Variants in NKAIN3 observed in about 807,000 individuals in gnomAD.
NKAIN3 encodes the protein sodium/potassium-transporting ATPase subunit beta-1-interacting protein 3.
A neutral mutation model predicts 30.2 loss-of-function variants in NKAIN3; 25 were observed. The ratio of observed to expected loss-of-function variants is 0.83; its 90% CI spans 0.60 to 1.16. NKAIN3 has a LOEUF of 1.16. Ranked by LOEUF, NKAIN3 falls within the 50% of genes most tolerant of loss-of-function variation. The pLI is 0.00. For missense variants in NKAIN3, 225 were observed against 254.1 expected (o/e 0.89, Z 0.78); for synonymous variants, 91 against 89.6 (o/e 1.02, Z -0.09).
chr8:62,941,733 C>T (rs1227162679), intron 5 of NKAIN3, among the ~76,000 whole-genome samples: 1 of 152,070 alleles, frequency 6.6e-6, no homozygotes, highest in Non-Finnish European at 1.5e-5. Context: ...TTAAAACTCT[C>T]AGCGAAATTG....
intron 3 of NKAIN3, among the ~76,000 whole-genome samples, chr8:62,673,106 G>T (rs764445690): frequency 3.9e-5 from 6 of 152,288 alleles, no homozygotes; most frequent in Middle Eastern, 3.4e-3. Context: ...GTTAGTAAAT[G>T]ATGAGGTGGG....
rs192499196 is a variant in NKAIN3 at position 62,967,812 on chromosome 8, G to A, written c.*2405G>A. Among the ~76,000 whole-genome samples the A allele has an allele frequency of 6.0e-3, 915 of 152,220 alleles. 6 individuals are homozygous for A. Among genetic ancestry groups the A allele is most frequent in the Non-Finnish European group, 9.8e-3 (668 of 68,012 alleles). On this transcript the variant is annotated 3_prime_UTR_variant, in exon 7 of 7. Coordinates refer to ENST00000623646, the MANE Select transcript of NKAIN3 (RefSeq NM_001304533.3). ...CCACACATACACATGCAAATAAAATGTGGTTAACATTTCACAAAATAGAAC... is the reference window on the plus strand; with the variant it reads ...CCACACATACACATGCAAATAAAATATGGTTAACATTTCACAAAATAGAAC...
intron 4 of NKAIN3, among the ~76,000 whole-genome samples, chr8:62,766,249 CTACTT>C (rs540392399): frequency 1.8e-4 from 28 of 152,274 alleles, no homozygotes; most frequent in African/African-American, 6.0e-4. Context: ...AACGTAATAA[CTACTT>C]TATTAACTCA....
chr8:62,442,526 T>A (rs1024418278), intron 1 of NKAIN3, among the ~76,000 whole-genome samples: 1 of 151,998 alleles, frequency 6.6e-6, no homozygotes, highest in Non-Finnish European at 1.5e-5. Flanking sequence ...CTTTTAGTAT[T>A]TTCAAATAAT....
intron 5 of NKAIN3, among the ~76,000 whole-genome samples, chr8:62,944,201 AC>A (rs1280777822): frequency 6.6e-6 from 1 of 152,102 alleles, no homozygotes; most frequent in Non-Finnish European, 1.5e-5. Context: ...CTATGATGGC[AC>A]CTTTTTCATA....
At chr8:62,322,111 G>A (rs545610592) in intron 1 of NKAIN3, among the ~76,000 whole-genome samples, 5 of 152,322 alleles carry the variant, frequency 3.3e-5, no homozygotes, top group African/African-American at 7.2e-5. Flanking sequence ...CTCTGTGGGC[G>A]TAGGACCCTC....
chr8:62,374,023 G>T (rs1289936615), intron 1 of NKAIN3, among the ~76,000 whole-genome samples: 3 of 141,166 alleles, frequency 2.1e-5, no homozygotes, highest in Non-Finnish European at 4.5e-5. Context: ...TGAGGCAGGA[G>T]AATTGCTTGA....
chr8:62,905,096 G>T (rs191059184), intron 4 of NKAIN3, among the ~76,000 whole-genome samples: 94 of 152,276 alleles, frequency 6.2e-4, no homozygotes, highest in African/African-American at 2.1e-3. Context: ...ACAAAGTGCA[G>T]AGACTGTTCA....
intron 5 of NKAIN3, among the ~76,000 whole-genome samples, chr8:62,945,903 G>C (rs1050600024): frequency 1.3e-5 from 2 of 152,192 alleles, no homozygotes; most frequent in Non-Finnish European, 2.9e-5. Flanking sequence ...ACCTGAGACT[G>C]AGGGGGACAG....
chr8:62,912,838 G>A (rs1224188365), intron 4 of NKAIN3, among the ~76,000 whole-genome samples: 2 of 152,118 alleles, frequency 1.3e-5, no homozygotes, highest in Non-Finnish European at 2.9e-5. Context: ...GAACCCAGGA[G>A]GCAGAGGTTT....
At chr8:62,872,400 CCT>C (rs751025545) in intron 4 of NKAIN3, among the ~76,000 whole-genome samples, 2 of 152,164 alleles carry the variant, frequency 1.3e-5, no homozygotes, top group African/African-American at 2.4e-5. Flanking sequence ...GTATTCTAAA[CCT>C]CTGAGAGATA....
chr8:62,714,270 T>A (rs1350915582), intron 3 of NKAIN3, among the ~76,000 whole-genome samples: 1 of 151,908 alleles, frequency 6.6e-6, no homozygotes, highest in Non-Finnish European at 1.5e-5. Context: ...ATGATATTTT[T>A]AAAAAGTAAA....
intron 1 of NKAIN3, among the ~76,000 whole-genome samples, chr8:62,335,744 C>T (rs527688687): frequency 6.6e-6 from 1 of 152,132 alleles, no homozygotes; most frequent in African/African-American, 2.4e-5. Context: ...AGTCCTGTTT[C>T]CTGGAAACTA....
intron 4 of NKAIN3, among the ~76,000 whole-genome samples, chr8:62,760,950 A>C (rs1586170054): frequency 6.6e-6 from 1 of 152,158 alleles, no homozygotes; most frequent in African/African-American, 2.4e-5. Flanking sequence ...CAAGGTGGGG[A>C]GTTCTCTCAA....
chr8:62,281,494 CTTTCTCTTG>C (rs1474783409), intron 1 of NKAIN3, among the ~76,000 whole-genome samples: 4 of 152,148 alleles, frequency 2.6e-5, no homozygotes, highest in Non-Finnish European at 5.9e-5. Context: ...ATCTTTCCTG[CTTTCTCTTG>C]TGGGCATTTA....
chr8:62,590,015 C>T (rs1375965884), intron 3 of NKAIN3, among the ~76,000 whole-genome samples: 1 of 151,114 alleles, frequency 6.6e-6, no homozygotes, highest in Admixed American at 6.6e-5. Context: ...AAAACAACTG[C>T]CTTCTGGTTT....
At chr8:62,990,493 C>A in intron 5 of NKAIN3, 1 of 512,598 alleles carries the variant, frequency 2.0e-6, no homozygotes, top group Non-Finnish European at 2.7e-6. Flanking sequence ...ATCTTAGCAT[C>A]TTACCTGGAA....
chr8:62,284,351 C>A (rs1813300853), intron 1 of NKAIN3, among the ~76,000 whole-genome samples: 1 of 152,022 alleles, frequency 6.6e-6, no homozygotes, highest in Non-Finnish European at 1.5e-5. Context: ...AGACTGTACC[C>A]AGGCGCGGTG....
intron 2 of NKAIN3, among the ~76,000 whole-genome samples, chr8:62,587,415 C>T (rs1280180134): frequency 6.6e-6 from 1 of 151,930 alleles, no homozygotes; most frequent in Non-Finnish European, 1.5e-5. Flanking sequence ...ACTAAAGATA[C>T]TGTCATTCTA....
Sources: gnomAD v4.1 joint callset for allele counts (sites outside exome capture counted in the v4.1 genomes callset) on GRCh38, gnomAD v4.1.1 for gene constraint, MANE v1.5 for transcripts, NCBI Gene and HGNC (gene_info 2026-07-23, HGNC 2026-07-21) for gene names.